Variants in KCNQ1 observed in about 807,000 individuals in gnomAD.
KCNQ1 encodes the protein potassium voltage-gated channel subfamily KQT member 1.
KCNQ1 carries 49 observed loss-of-function variants against 72.4 expected under a neutral mutation model. That is an observed-to-expected ratio of 0.68 (90% CI 0.54 to 0.86). KCNQ1 has a LOEUF of 0.86. Ranked by LOEUF, KCNQ1 falls within the 40% of genes least tolerant of loss-of-function variation. The pLI, the probability that KCNQ1 is intolerant of heterozygous loss-of-function variation, is 0.00. For synonymous variants in KCNQ1, 450 were observed against 412.6 expected, an observed-to-expected ratio of 1.09 and a Z score of -1.10; for missense variants, 790 against 945.1, an observed-to-expected ratio of 0.84 and a Z score of 2.15.
At chr11:2,605,275 C>T (rs1848863269) in intron 10 of KCNQ1, among the ~76,000 whole-genome samples, 1 of 152,148 alleles carries the variant, frequency 6.6e-6, no homozygotes, top group African/African-American at 2.4e-5. Flanking sequence ...TTTTGAAGCA[C>T]AAAAGCTTTT....
At chr11:2,510,689 C>T (rs2133614762) in intron 1 of KCNQ1, among the ~76,000 whole-genome samples, 1 of 152,312 alleles carries the variant, frequency 6.6e-6, no homozygotes. Context: ...GGTGTTGTTC[C>T]ACCCTTCCTT....
At position 2,668,568 on chromosome 11, in the gene KCNQ1, T is replaced by C. The variant is rs1013613495; in HGVS notation, c.1514+6487T>C. On this transcript the variant is annotated intron_variant, in intron 11 of 15. Coordinates refer to ENST00000155840, the MANE Select transcript of KCNQ1 (RefSeq NM_000218.3). The surrounding 1 kb of genome is among the most constrained non-coding windows in gnomAD (Gnocchi z 4.3). ...TAATGAAGTTGAGTCCCTTTCCATGTTATCATTTAGTCAGATACATCATTC... is the reference window on the plus strand; with the variant it reads ...TAATGAAGTTGAGTCCCTTTCCATGCTATCATTTAGTCAGATACATCATTC... 2.5e-6 allele frequency: 1 copy of C among 398,546 alleles called. No homozygotes were observed. The highest frequency in any genetic ancestry group is 2.1e-5 in the African/African-American group (1 of 48,646). The allele number at this position is 398,546 out of a possible 1,614,324, so 24.7% of individuals were successfully genotyped here.
At position 2,603,260 on chromosome 11, in the gene KCNQ1, A is replaced by G. The variant is rs1262531148; in HGVS notation, c.1393+14406A>G. ...CAATAGCCCCATGTCTAAGAAAACA[A>G]TGTGCCTACCTTAATTGAAAGACAC... On this transcript the variant is annotated intron_variant, in intron 10 of 15. Coordinates refer to ENST00000155840, the MANE Select transcript of KCNQ1 (RefSeq NM_000218.3). This position sits in a 1 kb window ranked among gnomAD's most constrained non-coding sequence, Gnocchi z 4.1. Among the ~76,000 whole-genome samples the G allele has an allele frequency of 8.5e-5, 13 of 152,302 alleles. No homozygotes were observed. The highest frequency in any genetic ancestry group is 2.9e-4 in the African/African-American group (12 of 41,568).
chr11:2,746,112 A>G lies in KCNQ1; in HGVS notation c.1515-22732A>G, dbSNP rs1243893538. Among the ~76,000 whole-genome samples the G allele has an allele frequency of 4.6e-5, 7 of 151,710 alleles. No individual in the cohort carries two copies. The South Asian group carries it at 1.0e-3, about 23-fold the overall frequency. ...ACCATGCTGGCCAGGCTGATCTCGA[A>G]CTCCTGGCCTCAAGTGATCCATCCG... On this transcript the variant is annotated intron_variant, in intron 11 of 15. Coordinates refer to ENST00000155840, the MANE Select transcript of KCNQ1 (RefSeq NM_000218.3). This position sits in a 1 kb window ranked among gnomAD's most constrained non-coding sequence, Gnocchi z 5.9.
At chr11:2,459,596 G>A (rs1206067688) in intron 1 of KCNQ1, among the ~76,000 whole-genome samples, 2 of 152,148 alleles carry the variant, frequency 1.3e-5, no homozygotes, top group African/African-American at 4.8e-5. Flanking sequence ...TAAGCCAACC[G>A]GGCAGGGACA....
At chr11:2,686,611 A>T (rs549352304) in intron 11 of KCNQ1, 2 of 398,658 alleles carry the variant, frequency 5.0e-6, no homozygotes, top group South Asian at 1.3e-4. Context: ...CACTTTTCAC[A>T]TGAGCGTGGC....
rs1254995821 is a variant in KCNQ1 at position 2,463,117 on chromosome 11, T to TGG, written c.386+17634_386+17635dup. ...GGGGAGTGGGAAGTGGGGGACGGGG[T>TGG]GGATTCCAGGATTCCGGGTTGTGCT... On this transcript the variant is annotated intron_variant, in intron 1 of 15. Transcript: ENST00000155840. This position sits in a 1 kb window ranked among gnomAD's most constrained non-coding sequence, Gnocchi z 7.0. Among the ~76,000 whole-genome samples, 2 of 151,984 alleles carry TGG rather than the reference T, an allele frequency of 1.3e-5. No homozygotes were observed. The highest frequency in any genetic ancestry group is 2.1e-4 in the South Asian group (1 of 4,818).
intron 11 of KCNQ1, chr11:2,697,007 T>G (rs76767344): frequency 0.055 from 22,085 of 398,506 alleles, 881 homozygotes; most frequent in Middle Eastern, 0.16. Context: ...TTTCAAAGTG[T>G]AGTCTGGGGA....
chr11:2,667,435 T>C, intron 11 of KCNQ1: 1 of 398,766 alleles, frequency 2.5e-6, no homozygotes, highest in Non-Finnish European at 4.4e-6. Flanking sequence ...CCAGCCATGA[T>C]GCTGCTCAGG....
chr11:2,659,568 T>A lies in KCNQ1; in HGVS notation c.1394-2393T>A. 2.5e-6 allele frequency: 1 copy of A among 398,556 alleles called. No individual in the cohort carries two copies. Among genetic ancestry groups the A allele is most frequent in the Admixed American group, 4.4e-5 (1 of 22,738 alleles). 24.7% of individuals were successfully genotyped at this position (398,556 alleles called of 1,614,324 possible). ...TTATGAGCAGAGTTACTATACACAT[T>A]TATGTACAGGTTTTTGCGAACATAA... On this transcript the variant is annotated intron_variant, in intron 10 of 15. Coordinates refer to ENST00000155840, the MANE Select transcript of KCNQ1 (RefSeq NM_000218.3). This position sits in a 1 kb window ranked among gnomAD's most constrained non-coding sequence, Gnocchi z 4.3.
chr11:2,655,934 C>A, intron 10 of KCNQ1: 1 of 398,714 alleles, frequency 2.5e-6, no homozygotes, highest in Non-Finnish European at 4.4e-6. Context: ...CCAAAAAGCA[C>A]ACATTCCTCT....
intron 5 of KCNQ1, 142 bp downstream of exon 5, chr11:2,572,251 C>A: frequency 1.6e-6 from 1 of 637,814 alleles, no homozygotes; most frequent in East Asian, 2.8e-5. Flanking sequence ...CTGAACGGGG[C>A]CCAGGATCTC....
chr11:2,532,142 G>A lies in KCNQ1; in HGVS notation c.477+4124G>A, dbSNP rs116930432. Among the ~76,000 whole-genome samples the A allele has an allele frequency of 1.2e-3, 176 of 152,204 alleles. 4 individuals are homozygous for A. In the East Asian group the frequency reaches 0.018, roughly 15 times the overall value. On this transcript the variant is annotated intron_variant, in intron 2 of 15. Transcript: ENST00000155840. ...CACTATCCTGCACACCATCCCCGCCGACCTGCCCTGTTCTGGGTTCATGGG... is the reference window on the plus strand; with the variant it reads ...CACTATCCTGCACACCATCCCCGCCAACCTGCCCTGTTCTGGGTTCATGGG...
At chr11:2,632,970 T>A (rs1008921399) in intron 10 of KCNQ1, 1 of 398,396 alleles carries the variant, frequency 2.5e-6, no homozygotes, top group East Asian at 3.6e-5. Context: ...TAGTCTACTT[T>A]TAGTTTTTTT....
At chr11:2,470,360 T>C (rs556361061) in intron 1 of KCNQ1, among the ~76,000 whole-genome samples, 71 of 152,218 alleles carry the variant, frequency 4.7e-4, no homozygotes, top group African/African-American at 1.6e-3. Context: ...GTGAGACAAA[T>C]GATTATATAC....
chr11:2,637,365 G>A (rs1328591822), intron 10 of KCNQ1: 1 of 152,186 alleles, frequency 6.6e-6, no homozygotes, highest in Non-Finnish European at 1.5e-5. Context: ...GTGTCCCAGA[G>A]ATTCTGGTAT....
At chr11:2,583,985 GGTGT>G (rs144821358) in intron 7 of KCNQ1, among the ~76,000 whole-genome samples, 4 of 151,360 alleles carry the variant, frequency 2.6e-5, no homozygotes, top group African/African-American at 9.7e-5. Flanking sequence ...CCTGTATGTG[GGTGT>G]GTGTGTGTGT....
At position 2,813,380 on chromosome 11, in the gene KCNQ1, G is replaced by A. The variant is rs958003845; in HGVS notation, c.1795-34387G>A. Reference sequence around the variant, plus strand: ...CTGGGCTCCCCACTCTCACAGGGGTGGAGACCTGCACCTCTTTTTCACCCC... The same window carrying A: ...CTGGGCTCCCCACTCTCACAGGGGTAGAGACCTGCACCTCTTTTTCACCCC... On this transcript the variant is annotated intron_variant, in intron 15 of 15. Transcript: ENST00000155840. The surrounding 1 kb of genome is among the most constrained non-coding windows in gnomAD (Gnocchi z 4.4). Among the ~76,000 whole-genome samples the A allele has an allele frequency of 4.0e-5, 6 of 149,996 alleles. No homozygotes were observed. The highest frequency in any genetic ancestry group is 1.2e-4 in the African/African-American group (5 of 40,492).
rs1590037477 is a variant in KCNQ1 at position 2,694,751 on chromosome 11, G to A, written c.1514+32670G>A. ...AGCCAACAAATAAGTAGATGTCTAA[G>A]GAACTAGAAAAGCGTAGCCTGTGCT... On this transcript the variant is annotated intron_variant, in intron 11 of 15. Coordinates refer to ENST00000155840, the MANE Select transcript of KCNQ1 (RefSeq NM_000218.3). The A allele has an allele frequency of 2.3e-5, 9 of 398,634 alleles. No homozygotes were observed. The East Asian group carries it at 3.2e-4, about 14-fold the overall frequency. The allele number at this position is 398,634 out of a possible 1,614,324, so 24.7% of individuals were successfully genotyped here. A position where few individuals can be genotyped will look rare whatever the true frequency, so the allele number is the denominator to read the frequency against.
Sources: gnomAD v4.1 joint callset for allele counts (sites outside exome capture counted in the v4.1 genomes callset) on GRCh38, gnomAD v4.1.1 for gene constraint, Gnocchi (gnomAD v3.1) non-coding constraint, MANE v1.5 for transcripts, NCBI Gene and HGNC (gene_info 2026-07-23, HGNC 2026-07-21) for gene names.